ZSCAN5A: variants seen among roughly 807,000 people sequenced by gnomAD.
ZSCAN5A encodes zinc finger and SCAN domain-containing protein 5A.
In ZSCAN5A, 12 loss-of-function variants were observed where a neutral mutation model predicts 23.7. That is an observed-to-expected ratio of 0.51 (90% CI 0.32 to 0.82). ZSCAN5A has a LOEUF of 0.82. Ranked by LOEUF, ZSCAN5A falls within the 40% of genes least tolerant of loss-of-function variation. The pLI is 0.03. For synonymous variants in ZSCAN5A, 257 were observed against 239.9 expected, an observed-to-expected ratio of 1.07 and a Z score of -0.66; for missense variants, 597 against 617.9, an observed-to-expected ratio of 0.97 and a Z score of 0.36.
At chr19:56,286,182 C>T (rs1239507434) in intron 2 of ZSCAN5A, among the ~76,000 whole-genome samples, 4 of 151,884 alleles carry the variant, frequency 2.6e-5, no homozygotes, top group South Asian at 2.1e-4. Context: ...CCACCATGCT[C>T]GGCTAATTTT....
intron 2 of ZSCAN5A, among the ~76,000 whole-genome samples, chr19:56,272,446 A>G (rs2037918940): frequency 6.6e-6 from 1 of 152,184 alleles, no homozygotes; most frequent in Admixed American, 6.5e-5. Context: ...GGACACTGAA[A>G]TTCACATTCT....
intron 2 of ZSCAN5A, among the ~76,000 whole-genome samples, chr19:56,345,740 G>T (rs2041627134): frequency 6.6e-6 from 1 of 152,126 alleles, no homozygotes; most frequent in South Asian, 2.1e-4. Context: ...CAAAAAGGGA[G>T]AATTATTATG....
chr19:56,326,328 T>TGTGTGC (rs1452480770), intron 2 of ZSCAN5A, among the ~76,000 whole-genome samples: 1 of 151,944 alleles, frequency 6.6e-6, no homozygotes, highest in East Asian at 1.9e-4. Context: ...TGTGTGTGTG[T>TGTGTGC]GTGTGTGTGG....
intron 2 of ZSCAN5A, among the ~76,000 whole-genome samples, chr19:56,237,943 T>C (rs138943762): frequency 6.6e-5 from 1 of 15,056 alleles, no homozygotes. Flanking sequence ...TAAAAAATGA[T>C]AGATCATAAG....
At chr19:56,240,767 C>G (rs1386471736) in intron 2 of ZSCAN5A, among the ~76,000 whole-genome samples, 3 of 152,144 alleles carry the variant, frequency 2.0e-5, no homozygotes, top group Non-Finnish European at 4.4e-5. Flanking sequence ...AGACGGGGGT[C>G]TCACTCATTG....
intron 2 of ZSCAN5A, chr19:56,321,960 C>G (rs2041380503): frequency 7.7e-6 from 6 of 780,584 alleles, no homozygotes; most frequent in Admixed American, 5.1e-5. Flanking sequence ...TATCTCACAC[C>G]ACCATGGATC....
In ZSCAN5A at chr19:56,270,206, T is replaced by G. The variant is rs375983009; in HGVS notation, c.-128+43077A>C. 6.2e-4 allele frequency among the ~76,000 whole-genome samples: 93 copies of G among 149,162 alleles called. 2 individuals are homozygous for G. The East Asian group carries it at 8.6e-3, about 14-fold the overall frequency. On this transcript the variant is annotated intron_variant, in intron 2 of 5. Transcript: ENST00000683990. ...AGGCCGAGGTGGGTGGATCACGAGG[T>G]CAGGAGTTCGAGACCAGCCTGGCCA...
Position 56,313,310 on chromosome 19 carries a change from A to G in ZSCAN5A, c.-155T>C. On this transcript the variant is annotated 5_prime_UTR_variant, in exon 2 of 6. Transcript: ENST00000683990. ...TTTCACGTGGCTGGGGAGGCCTCAC[A>G]ATCATGGCAGAAGGTCAAAGGCACG... 2.9e-6 allele frequency: 1 copy of G among 342,568 alleles called. No homozygotes were observed. Among genetic ancestry groups the G allele is most frequent in the Non-Finnish European group, 5.8e-6 (1 of 173,746 alleles). 21.2% of individuals were successfully genotyped at this position (342,568 alleles called of 1,614,324 possible). A position where few individuals can be genotyped will look rare whatever the true frequency, so the allele number is the denominator to read the frequency against.
chr19:56,299,770 T>C (rs997648939), intron 2 of ZSCAN5A: 1 of 152,264 alleles, frequency 6.6e-6, no homozygotes, highest in African/African-American at 2.4e-5. Context: ...TATTGTTGTA[T>C]TGCTATTTTT....
In ZSCAN5A at chr19:56,232,282, T is replaced by C. The variant is rs544388635; in HGVS notation, c.-127-7109A>G. ...TCAGCCACTGTGCCCAGCCTAGTAA[T>C]AGAATTTTCTAGAATTTTATATTGA... On this transcript the variant is annotated intron_variant, in intron 2 of 5. Transcript: ENST00000683990. Among the ~76,000 whole-genome samples, 58 of 152,258 alleles carry C rather than the reference T, an allele frequency of 3.8e-4. 1 individual carries two copies. The highest frequency in any genetic ancestry group is 1.3e-3 in the African/African-American group (54 of 41,554).
intron 2 of ZSCAN5A, among the ~76,000 whole-genome samples, chr19:56,356,787 A>T (rs2041703131): frequency 6.7e-6 from 1 of 148,474 alleles, no homozygotes; most frequent in African/African-American, 2.5e-5. Context: ...AAGAGTCGGT[A>T]GTGTTTTACA....
chr19:56,333,072 C>T (rs535550176), intron 2 of ZSCAN5A, among the ~76,000 whole-genome samples: 13 of 151,828 alleles, frequency 8.6e-5, no homozygotes, highest in African/African-American at 3.1e-4. Flanking sequence ...TAACATTTTT[C>T]TGTAGCTGTC....
At chr19:56,242,309 C>T (rs1479250055) in intron 2 of ZSCAN5A, among the ~76,000 whole-genome samples, 2 of 152,208 alleles carry the variant, frequency 1.3e-5, no homozygotes, top group Non-Finnish European at 2.9e-5. Context: ...TTTTCCTAGA[C>T]CTGCTGGCCA....
chr19:56,226,025 T>G (rs1478598712), intron 2 of ZSCAN5A, among the ~76,000 whole-genome samples: 1 of 152,202 alleles, frequency 6.6e-6, no homozygotes, highest in African/African-American at 2.4e-5. Context: ...TAAACCTAGC[T>G]TCATTAGGCA....
rs35911666 is a variant in ZSCAN5A at position 56,298,651 on chromosome 19, C to CA, written c.-128+14631dup. On this transcript the variant is annotated intron_variant, in intron 2 of 5. Coordinates refer to ENST00000683990, the MANE Select transcript of ZSCAN5A (RefSeq NM_001322064.3). ...CTGGCAACAGAGCAAGACTCCATCT[C>CA]AAAAAAAAAAAAAAAATCTGAATAA... is the stretch of plus-strand genomic sequence containing the variant. Among the ~76,000 whole-genome samples, 671 of 138,856 alleles carry CA rather than the reference C, an allele frequency of 4.8e-3. 4 individuals are homozygous for CA. The highest frequency in any genetic ancestry group is 7.5e-3 in the Non-Finnish European group (476 of 63,306). The allele number at this position is 138,856 out of a possible 152,430, so 91.1% of individuals were successfully genotyped here.
chr19:56,327,284 G>GT (rs60456839), intron 2 of ZSCAN5A, among the ~76,000 whole-genome samples: 6,829 of 151,844 alleles, frequency 0.045, 155 homozygotes, highest in South Asian at 0.11. Context: ...ACCTGGCTAT[G>GT]TTTTTTATTC....
intron 1 of ZSCAN5A, 97 bp downstream of exon 1, chr19:56,314,584 C>T (rs2041251704): frequency 6.6e-6 from 1 of 152,306 alleles, no homozygotes; most frequent in Non-Finnish European, 1.5e-5. Flanking sequence ...CACGTCCCCG[C>T]CCCAGGCGCA....
chr19:56,356,388 G>C (rs1323982934), intron 2 of ZSCAN5A, among the ~76,000 whole-genome samples: 1 of 148,578 alleles, frequency 6.7e-6, no homozygotes, highest in South Asian at 2.1e-4. Flanking sequence ...GGGAATACAT[G>C]GTTGTGTAAT....
At chr19:56,245,135 G>C in intron 2 of ZSCAN5A, 1 of 420,928 alleles carries the variant, frequency 2.4e-6, no homozygotes, top group Non-Finnish European at 4.4e-6. Context: ...TTACAGTAAA[G>C]TGTGAGCATT....
Sources: allele counts gnomAD v4.1 joint callset (sites outside exome capture counted in the v4.1 genomes callset), GRCh38; gene constraint gnomAD v4.1.1; transcripts MANE v1.5; gene names NCBI Gene and HGNC (gene_info 2026-07-23, HGNC 2026-07-21).